COL16A1: variants seen among roughly 807,000 people sequenced by gnomAD.
COL16A1 encodes collagen alpha-1(XVI) chain.
A neutral mutation model predicts 266.3 loss-of-function variants in COL16A1; 189 were observed. The observed-to-expected ratio is 0.71, with a 90% CI of 0.63 to 0.80. COL16A1 has a LOEUF of 0.80. Among genes scored for constraint, COL16A1 ranks in the 30% least tolerant of loss-of-function variants. The probability of loss-of-function intolerance (pLI) is 0.00; values close to 1 mark genes in which losing one functional copy is unlikely to be tolerated. For synonymous variants in COL16A1, 740 were observed against 782.3 expected (o/e 0.95, Z 0.90); for missense variants, 1,928 against 2,122.4 (o/e 0.91, Z 1.80).
At chr1:31,693,184 A>T (rs1346325883) in intron 12 of COL16A1, 30 bp from the exon 13 acceptor site, 1 of 1,476,724 alleles carries the variant, frequency 6.8e-7, no homozygotes, top group African/African-American at 1.4e-5. Context: ...GGAAGATAGG[A>T]CCAGAGGGGG....
Position 31,696,089 on chromosome 1 carries a change from T to G in COL16A1, c.917A>C (p.Lys306Thr). 7 of 1,076,524 alleles carry G rather than the reference T, an allele frequency of 6.5e-6. No individual in the cohort carries two copies. Among genetic ancestry groups the G allele is most frequent in the South Asian group, 1.2e-5 (1 of 80,782 alleles). 66.7% of individuals were successfully genotyped at this position (1,076,524 alleles called of 1,614,324 possible). A position where few individuals can be genotyped will look rare whatever the true frequency, so the allele number is the denominator to read the frequency against. The stretch of plus-strand genomic sequence containing the variant: ...TCCTCCCCCCACCCCCACCTCTACC[T>G]TTGCTCCCCTTTCTGCCTTCTGGCT... ...RISQKAERGAKVHQETAADEC... is the reference protein window; with the variant it reads ...RISQKAERGATVHQETAADEC... Residue 306 changes from lysine to threonine, a missense_variant and splice_region_variant, in exon 9 of 71, where the codon AAG becomes ACG. Around this residue, in one of 2 missense-constraint regions of COL16A1, gnomAD observed 1,552 missense variants for 1,637.2 expected, o/e 0.95. Transcript: ENST00000373672.
At chr1:31,680,789 G>C in intron 39 of COL16A1, 116 bp downstream of exon 39, 1 of 1,582,902 alleles carries the variant, frequency 6.3e-7, no homozygotes, top group Non-Finnish European at 8.6e-7. Context: ...GGCTCCCCTG[G>C]TTCATGGTGG....
rs1642305666 is a variant in COL16A1 at position 31,668,141 on chromosome 1, C to A, written c.3303+24G>T. On this transcript the variant is annotated intron_variant, in intron 51 of 70. Transcript: ENST00000373672. The surrounding 1 kb of genome is among the most constrained non-coding windows in gnomAD (Gnocchi z 5.8). ...AACCTCTGGTACCTGGCACCCACTC[C>A]CCAGCAAGGGTCCCCTTACTCACAG... 6.2e-7 allele frequency: 1 copy of A among 1,603,068 alleles called. No individual in the cohort carries two copies. The highest frequency in any genetic ancestry group is 2.2e-5 in the East Asian group (1 of 44,618).
intron 22 of COL16A1, 134 bp downstream of exon 22, chr1:31,690,233 C>G: frequency 7.2e-7 from 1 of 1,389,800 alleles, no homozygotes; most frequent in Non-Finnish European, 9.8e-7. Flanking sequence ...ACATGGACAT[C>G]AGAGGAAGAA....
intron 2 of COL16A1, 54 bp downstream of exon 2, chr1:31,702,067 C>T: frequency 6.2e-7 from 1 of 1,613,218 alleles, no homozygotes; most frequent in Admixed American, 1.7e-5. Context: ...ACCCCAGCAC[C>T]CCAGGATACC....
chr1:31,679,452 G>C, intron 42 of COL16A1, 180 bp downstream of exon 42: 1 of 1,603,494 alleles, frequency 6.2e-7, no homozygotes. Flanking sequence ...TGCAGAGCCT[G>C]GCCTAGAGGC....
rs1194053262 is a variant in COL16A1, at chr1:31,679,637, G to A, written c.2767C>T (p.Leu923=). ...ATTCTCTTCTCCCCCTTTACCTGCA[G>A]CCCAGGTACTCCAGGGGGGCCTGGT... ...GPPGPPGVPG[L]QGVPGNNGLP... Residue 923 remains leucine (L), a synonymous_variant, in exon 42 of 71, where the codon CTG becomes TTG. Transcript: ENST00000373672. The A allele has an allele frequency of 6.2e-7, 1 of 1,614,230 alleles. No homozygotes were observed. The highest frequency in any genetic ancestry group is 1.7e-5 in the Admixed American group (1 of 60,030).
Position 31,656,782 on chromosome 1 carries a change from ATTGTTG to A in COL16A1, c.4056+245_4056+250del. 3 of 554,740 alleles carry A rather than the reference ATTGTTG, an allele frequency of 5.4e-6. No homozygotes were observed. The highest frequency in any genetic ancestry group is 2.6e-5 in the South Asian group (1 of 38,382). The allele number at this position is 554,740 out of a possible 1,614,324, so 34.4% of individuals were successfully genotyped here. ...TTTGGAATTTATTATTATCATTATT[ATTGTTG>A]TTGTTGTTGTTTCTTTTTGACCAGG... is the stretch of plus-strand genomic sequence containing the variant. On this transcript the variant is annotated intron_variant, in intron 65 of 70. Transcript: ENST00000373672. The surrounding 1 kb of genome is among the most constrained non-coding windows in gnomAD (Gnocchi z 4.2).
chr1:31,689,048 A>G lies in COL16A1; in HGVS notation c.1656+2T>C. Reference sequence around the variant, plus strand: ...GCAGCCAGGAGAGCAGGGTTCCCTCACCTTCTCTCCTTTGATGCCTTGGAT... The same window carrying G: ...GCAGCCAGGAGAGCAGGGTTCCCTCGCCTTCTCTCCTTTGATGCCTTGGAT... On this transcript the variant is annotated splice_donor_variant, in intron 24 of 70. Transcript: ENST00000373672. LOFTEE classifies it high-confidence loss of function. The G allele has an allele frequency of 6.2e-7, 1 of 1,613,944 alleles. No homozygotes were observed.
At chr1:31,658,031 G>A (rs1641316304) in intron 64 of COL16A1, among the ~76,000 whole-genome samples, 1 of 152,230 alleles carries the variant, frequency 6.6e-6, no homozygotes, top group African/African-American at 2.4e-5. Context: ...CAAGCACTTA[G>A]TCCACCATTC....
chr1:31,675,275 C>T lies in COL16A1; in HGVS notation c.2809G>A (p.Gly937Arg), dbSNP rs1208853870. The T allele has an allele frequency of 6.2e-7, 1 of 1,614,210 alleles. No homozygotes were observed. Among genetic ancestry groups the T allele is most frequent in the East Asian group, 2.2e-5 (1 of 44,880 alleles). ...GTACCCACCAGTTCTGCAGTGAGCC[C>T]AGGCTGTCCTGGCAAACCGTTGTTT... is the stretch of plus-strand genomic sequence containing the variant. ...PGNNGLPGQP[G>R]LTAELGSLPI... Residue 937 changes from glycine (G) to arginine (R), a missense_variant, in exon 43 of 71, where the codon GGG becomes AGG. This residue lies in a region of COL16A1 where 1,552 missense variants were observed against 1,637.2 expected (regional missense o/e 0.95). Transcript: ENST00000373672.
intron 17 of COL16A1, among the ~76,000 whole-genome samples, 168 bp from the exon 18 acceptor site, chr1:31,691,810 C>T (rs1002727734): frequency 2.0e-5 from 3 of 150,470 alleles, no homozygotes; most frequent in East Asian, 2.0e-4. Flanking sequence ...GTTAGAGGTT[C>T]GGGGCTCTGA....
Position 31,698,081 on chromosome 1 carries a change from G to T in COL16A1, c.482C>A (p.Pro161His), listed in dbSNP as rs746299734. Reference sequence around the variant, plus strand: ...GTGCCAACGCAAGTCGAAGAGCTGGGGCACTGGGAAGATGCAGGACACAAA... The same window carrying T: ...GTGCCAACGCAAGTCGAAGAGCTGGTGCACTGGGAAGATGCAGGACACAAA... ...GDFVSCIFPV[P>H]QLFDLRWHKL... is the part of the protein sequence containing the mutation. The change falls in exon 6 of 71, where the codon CCC (proline) becomes CAC (histidine). Residue 161 changes from proline to histidine, a missense_variant. Transcript: ENST00000373672. The surrounding 1 kb of genome is among the most constrained non-coding windows in gnomAD (Gnocchi z 4.1). The T allele has an allele frequency of 1.2e-6, 2 of 1,613,878 alleles. No individual in the cohort carries two copies. Among genetic ancestry groups the T allele is most frequent in the Non-Finnish European group, 1.7e-6 (2 of 1,180,042 alleles).
At chr1:31,660,717 T>G (rs995689929) in intron 61 of COL16A1, 79 bp from the exon 62 acceptor site, 1 of 1,590,106 alleles carries the variant, frequency 6.3e-7, no homozygotes, top group African/African-American at 1.3e-5. Flanking sequence ...GGGAGGGGGC[T>G]GGGCAGAATA....
chr1:31,691,966 T>C, intron 17 of COL16A1, 39 bp downstream of exon 17: 1 of 1,613,184 alleles, frequency 6.2e-7, no homozygotes, highest in South Asian at 1.1e-5. Flanking sequence ...TCAGACCCCG[T>C]GCTGTGGGTT....
At chr1:31,692,363 C>A in intron 16 of COL16A1, 111 bp downstream of exon 16, 1 of 1,475,562 alleles carries the variant, frequency 6.8e-7, no homozygotes, top group Admixed American at 2.2e-5. Context: ...GTCCTGCCAG[C>A]TCTGTGCCCA....
chr1:31,658,986 G>T, intron 62 of COL16A1, 22 bp from the exon 63 acceptor site: 1 of 1,552,080 alleles, frequency 6.4e-7, no homozygotes, highest in South Asian at 1.2e-5. Flanking sequence ...TGAGTCAGTG[G>T]GATAGAAACA....
chr1:31,682,375 G>A (rs1391325731), intron 37 of COL16A1, among the ~76,000 whole-genome samples: 2 of 152,322 alleles, frequency 1.3e-5, no homozygotes, highest in East Asian at 3.9e-4. Flanking sequence ...ATAGCCACAT[G>A]GGGCTATTTA....
chr1:31,673,015 G>A, intron 44 of COL16A1, 175 bp from the exon 45 acceptor site: 1 of 697,362 alleles, frequency 1.4e-6, no homozygotes, highest in Non-Finnish European at 2.6e-6. Context: ...CCATCCTCGG[G>A]GGACCCACTC....
Sources: gnomAD v4.1 joint callset for allele counts (sites outside exome capture counted in the v4.1 genomes callset) on GRCh38, gnomAD v4.1.1 for gene constraint, gnomAD v4.1.1 regional missense constraint, Gnocchi (gnomAD v3.1) non-coding constraint, MANE v1.5 for transcripts, NCBI Gene and HGNC (gene_info 2026-07-23, HGNC 2026-07-21) for gene names.